The following C1orf141 variants were observed in gnomAD, a reference collection of about 807,000 sequenced individuals.
C1orf141 encodes the protein uncharacterized protein C1orf141.
A neutral mutation model predicts 23.2 loss-of-function variants in C1orf141; 19 were observed. The observed-to-expected ratio is 0.82, with a 90% confidence interval of 0.57 to 1.20. C1orf141 has a LOEUF of 1.20. Ranked by LOEUF, C1orf141 falls within the 50% of genes most tolerant of loss-of-function variation. The pLI is 0.00. For missense variants in C1orf141, 469 were observed against 455.1 expected (o/e 1.03, Z -0.28); for synonymous variants, 153 against 154.6 (o/e 0.99, Z 0.08).
At chr1:67,111,125 T>C (rs1646061122) in intron 5 of C1orf141, among the ~76,000 whole-genome samples, 1 of 151,910 alleles carries the variant, frequency 6.6e-6, no homozygotes, top group South Asian at 2.1e-4. Flanking sequence ...CAAGAGTCAA[T>C]AGTGTTGGTT....
chr1:67,113,704 T>C (rs1646129457), intron 5 of C1orf141: 2 of 1,278,776 alleles, frequency 1.6e-6, no homozygotes, highest in Non-Finnish European at 2.0e-6. Context: ...CTAAGTACAA[T>C]GAGAATCCGC....
At chr1:67,123,538 T>G (rs1646342733) in intron 4 of C1orf141, 1 of 152,150 alleles carries the variant, frequency 6.6e-6, no homozygotes, top group Admixed American at 6.5e-5. Flanking sequence ...TTCTGCTATC[T>G]AGAAGCAGAT....
At chr1:67,096,559 A>AT (rs1478532197) in intron 5 of C1orf141, among the ~76,000 whole-genome samples, 2 of 152,142 alleles carry the variant, frequency 1.3e-5, no homozygotes, top group Non-Finnish European at 2.9e-5. Flanking sequence ...GGTCTTGGAG[A>AT]TTTTTTTGTG....
chr1:67,094,933 C>A (rs1052399364), intron 7 of C1orf141: 2 of 231,814 alleles, frequency 8.6e-6, no homozygotes, highest in African/African-American at 2.3e-5. Flanking sequence ...CTGCATTCTG[C>A]TAGATTGGTA....
intron 5 of C1orf141, among the ~76,000 whole-genome samples, chr1:67,113,011 G>A (rs781757028): frequency 1.3e-5 from 2 of 152,152 alleles, no homozygotes; most frequent in Non-Finnish European, 2.9e-5. Context: ...ATAGAGTCTT[G>A]CTCTGTCGCC....
At chr1:67,100,379 T>A (rs1645770891) in intron 5 of C1orf141, among the ~76,000 whole-genome samples, 1 of 152,232 alleles carries the variant, frequency 6.6e-6, no homozygotes, top group Admixed American at 6.5e-5. Flanking sequence ...TACTCTTTGC[T>A]GCTTTTAATA....
At chr1:67,129,526 T>G (rs544173688) in intron 2 of C1orf141, among the ~76,000 whole-genome samples, 1 of 152,190 alleles carries the variant, frequency 6.6e-6, no homozygotes, top group African/African-American at 2.4e-5. Flanking sequence ...TAGCCTGCCT[T>G]GTGACGAACC....
At chr1:67,126,072 T>C (rs1248601118) in intron 3 of C1orf141, among the ~76,000 whole-genome samples, 163 bp from the exon 4 acceptor site, 1 of 151,514 alleles carries the variant, frequency 6.6e-6, no homozygotes, top group African/African-American at 2.4e-5. Context: ...AAATTGGGGG[T>C]CTAGTGCACC....
At chr1:67,126,567 T>G (rs911462460) in intron 3 of C1orf141, among the ~76,000 whole-genome samples, 2 of 152,238 alleles carry the variant, frequency 1.3e-5, no homozygotes, top group Non-Finnish European at 2.9e-5. Flanking sequence ...ATTAGTCTCC[T>G]GCTCTCAACA....
chr1:67,116,321 C>G (rs1182597465), intron 4 of C1orf141, among the ~76,000 whole-genome samples: 1 of 152,108 alleles, frequency 6.6e-6, no homozygotes, highest in Non-Finnish European at 1.5e-5. Flanking sequence ...CACTCCCAAC[C>G]TATCAGCAAA....
upstream of C1orf141, among the ~76,000 whole-genome samples, chr1:67,139,406 C>T (rs1010029240): frequency 6.6e-6 from 1 of 152,128 alleles, no homozygotes; most frequent in African/African-American, 2.4e-5. Context: ...ATGCCTCCAG[C>T]ACTCTCCCTG....
chr1:67,119,190 T>G (rs1178192759), intron 4 of C1orf141, among the ~76,000 whole-genome samples: 1 of 152,116 alleles, frequency 6.6e-6, no homozygotes, highest in Non-Finnish European at 1.5e-5. Context: ...CCATAAATAA[T>G]GATGAACAAA....
intron 5 of C1orf141, chr1:67,103,197 T>A: frequency 1.7e-6 from 2 of 1,185,870 alleles, no homozygotes; most frequent in Non-Finnish European, 2.3e-6. Flanking sequence ...TAGGTGCAGA[T>A]AACTTTCAGT....
At chr1:67,095,532 C>G (rs1057200929) in intron 6 of C1orf141, 111 bp from the exon 7 acceptor site, 17 of 607,698 alleles carry the variant, frequency 2.8e-5, no homozygotes, top group Admixed American at 3.5e-5. Context: ...GCACCAACCT[C>G]TCTCCCACAG....
intron 4 of C1orf141, chr1:67,123,975 A>G (rs761709887): frequency 6.6e-6 from 1 of 152,230 alleles, no homozygotes; most frequent in Non-Finnish European, 1.5e-5. Context: ...CCTAGTTACC[A>G]AGACCCAAAG....
chr1:67,110,505 T>C (rs1352582241), intron 5 of C1orf141, among the ~76,000 whole-genome samples: 1 of 152,014 alleles, frequency 6.6e-6, no homozygotes, highest in Admixed American at 6.6e-5. Context: ...TCTTATAAGG[T>C]ACTGAAACCC....
chr1:67,100,869 G>A (rs896676367), intron 5 of C1orf141, among the ~76,000 whole-genome samples: 1 of 152,308 alleles, frequency 6.6e-6, no homozygotes, highest in Admixed American at 6.5e-5. Context: ...TCAGTAGGCT[G>A]CTAAGGAAGC....
Position 67,105,672 on chromosome 1 carries a change from CAT to C in C1orf141, c.347-9353_347-9352del, listed in dbSNP as rs375252787. ...ACACACACACAGACACACACACACACATGCATGCACACACATGACCTTAAGGT... is the reference window on the plus strand; with the variant it reads ...ACACACACACAGACACACACACACACGCATGCACACACATGACCTTAAGGT... On this transcript the variant is annotated intron_variant, in intron 5 of 7. Coordinates refer to ENST00000684719, the MANE Select transcript of C1orf141 (RefSeq NM_001276351.2). 8.1e-3 allele frequency among the ~76,000 whole-genome samples: 1,229 copies of C among 152,140 alleles called. 18 individuals carry two copies. Among genetic ancestry groups the C allele is most frequent in the African/African-American group, 0.029 (1,192 of 41,508 alleles).
At chr1:67,134,205 C>T (rs1646559205) in intron 1 of C1orf141, among the ~76,000 whole-genome samples, 1 of 152,148 alleles carries the variant, frequency 6.6e-6, no homozygotes, top group Admixed American at 6.5e-5. Context: ...GGTTTCGCCA[C>T]TGTGGCCAGG....
Sources: allele counts gnomAD v4.1 joint callset (sites outside exome capture counted in the v4.1 genomes callset), GRCh38; gene constraint gnomAD v4.1.1; transcripts MANE v1.5; gene names NCBI Gene and HGNC (gene_info 2026-07-23, HGNC 2026-07-21).